Variants in ADGRL3 observed in about 807,000 individuals in gnomAD.
The protein encoded by ADGRL3 is adhesion G protein-coupled receptor L3, also known as calcium-independent alpha-latrotoxin receptor 3.
In ADGRL3, 62 loss-of-function variants were observed where a neutral mutation model predicts 153.5. That is an observed-to-expected ratio of 0.40 (90% CI 0.33 to 0.50). The LOEUF is 0.50. Among genes scored for constraint, ADGRL3 ranks in the 20% least tolerant of loss-of-function variants. ADGRL3 has a pLI of 0.47. For missense variants in ADGRL3, 1,641 were observed against 1,859.4 expected, an observed-to-expected ratio of 0.88 and a Z score of 2.16; for synonymous variants, 710 against 672.5, an observed-to-expected ratio of 1.06 and a Z score of -0.86.
intron 5 of ADGRL3, among the ~76,000 whole-genome samples, chr4:61,597,240 G>A (rs1289730113): frequency 6.6e-6 from 1 of 151,848 alleles, no homozygotes; most frequent in Non-Finnish European, 1.5e-5. Context: ...TAAGTCTACA[G>A]GAATGCTGTA....
rs80241057 is a variant in ADGRL3, at chr4:61,809,880, G to C, written c.1400-3929G>C. On this transcript the variant is annotated intron_variant, in intron 8 of 26. Transcript: ENST00000683033. ...AAAAACTGTTTTAATTACTACCTAC[G>C]TATAAATTCATCTAATCTTCAGAAT... 6.6e-3 allele frequency among the ~76,000 whole-genome samples: 1,008 copies of C among 152,058 alleles called. 10 individuals are homozygous for C. Among genetic ancestry groups the C allele is most frequent in the African/African-American group, 0.023 (965 of 41,494 alleles).
chr4:61,387,472 C>T (rs2096751477), intron 2 of ADGRL3, among the ~76,000 whole-genome samples: 1 of 152,064 alleles, frequency 6.6e-6, no homozygotes, highest in South Asian at 2.1e-4. Context: ...TTTATTTCAT[C>T]TCTGCAGCCT....
intron 9 of ADGRL3, among the ~76,000 whole-genome samples, chr4:61,868,614 C>A (rs2098417134): frequency 6.6e-6 from 1 of 152,142 alleles, no homozygotes. Context: ...ATAATAACAA[C>A]CTCTAAACTT....
intron 3 of ADGRL3, among the ~76,000 whole-genome samples, chr4:61,504,781 A>T (rs948832448): frequency 1.3e-5 from 2 of 152,148 alleles, no homozygotes; most frequent in African/African-American, 4.8e-5. Context: ...TGTTTGGCTT[A>T]AGAATTTCAT....
intron 1 of ADGRL3, among the ~76,000 whole-genome samples, chr4:61,230,008 G>C (rs1222881612): frequency 6.6e-6 from 1 of 152,020 alleles, no homozygotes; most frequent in East Asian, 1.9e-4. Context: ...ATTTTTAAGT[G>C]TTTGTAACCA....
intron 9 of ADGRL3, among the ~76,000 whole-genome samples, chr4:61,834,174 A>C (rs1205576162): frequency 7.5e-6 from 1 of 134,118 alleles, no homozygotes; most frequent in East Asian, 2.3e-4. Flanking sequence ...ATGTGTTCTC[A>C]TTGTTCAATT....
At chr4:61,539,625 C>A (rs1184186610) in intron 4 of ADGRL3, among the ~76,000 whole-genome samples, 1 of 152,102 alleles carries the variant, frequency 6.6e-6, no homozygotes, top group South Asian at 2.1e-4. Context: ...TGGTGTGCAT[C>A]GTCTCAGTTC....
chr4:61,990,442 CAG>C (rs1182581245), intron 19 of ADGRL3, among the ~76,000 whole-genome samples: 2 of 151,678 alleles, frequency 1.3e-5, no homozygotes, highest in Non-Finnish European at 2.9e-5. Context: ...TTGGTGGGTA[CAG>C]AGTTTCATTT....
intron 6 of ADGRL3, among the ~76,000 whole-genome samples, chr4:61,721,199 G>A (rs1167886851): frequency 1.3e-5 from 2 of 152,146 alleles, no homozygotes; most frequent in African/African-American, 4.8e-5. Flanking sequence ...GTTTATTAAG[G>A]AGTATTGACA....
At chr4:61,897,696 G>A (rs939088247) in intron 11 of ADGRL3, among the ~76,000 whole-genome samples, 3 of 152,086 alleles carry the variant, frequency 2.0e-5, no homozygotes, top group Admixed American at 6.5e-5. Flanking sequence ...GTGTTCACAG[G>A]ATTGTTTGTC....
chr4:61,259,422 CAAAA>C lies in ADGRL3; in HGVS notation c.-240+57658_-240+57661del, dbSNP rs1253424495. 2.7e-4 allele frequency among the ~76,000 whole-genome samples: 29 copies of C among 109,400 alleles called. No individual in the cohort carries two copies. The South Asian group carries it at 5.2e-3, about 20-fold the overall frequency. 71.8% of individuals were successfully genotyped at this position (109,400 alleles called of 152,430 possible). A position where few individuals can be genotyped will look rare whatever the true frequency, so the allele number is the denominator to read the frequency against. On this transcript the variant is annotated intron_variant, in intron 1 of 26. Coordinates refer to ENST00000683033, the MANE Select transcript of ADGRL3 (RefSeq NM_001387552.1). The stretch of plus-strand genomic sequence containing the variant: ...TGGGCGACAGAGTGAGACTCTGTCT[CAAAA>C]TAAATAAATAAATAAATAAATAAAT...
chr4:61,892,808 C>T lies in ADGRL3; in HGVS notation c.1633C>T (p.Leu545Phe). The stretch of plus-strand genomic sequence containing the variant: ...TACCCCATCTCCAGCTGTCGAGGTA[C>T]TTGATGACATGACCACACACCTTCC... The part of the protein sequence containing the change: ...TSTPSPAVEV[L>F]DDMTTHLPSA... Residue 545 changes from leucine (L) to phenylalanine (F), a missense_variant, in exon 10 of 27, where the codon CTT becomes TTT. Leu to Phe is a conservative substitution (Grantham distance 22). Transcript: ENST00000683033. The T allele has an allele frequency of 6.2e-7, 1 of 1,613,872 alleles. No homozygotes were observed. The highest frequency in any genetic ancestry group is 8.5e-7 in the Non-Finnish European group (1 of 1,179,840).
intron 1 of ADGRL3, among the ~76,000 whole-genome samples, chr4:61,354,140 C>A (rs1281480906): frequency 6.6e-6 from 1 of 152,144 alleles, no homozygotes; most frequent in Non-Finnish European, 1.5e-5. Context: ...CTTCACAACA[C>A]CCCTATTAAA....
intron 1 of ADGRL3, among the ~76,000 whole-genome samples, chr4:61,362,309 G>A (rs866239928): frequency 2.0e-5 from 3 of 150,154 alleles, no homozygotes; most frequent in Admixed American, 6.7e-5. Flanking sequence ...TGCCTGATAC[G>A]ATCGAATATT....
intron 8 of ADGRL3, among the ~76,000 whole-genome samples, chr4:61,749,240 G>A (rs1210334882): frequency 6.6e-6 from 1 of 151,782 alleles, no homozygotes; most frequent in African/African-American, 2.4e-5. Flanking sequence ...GGAGAAATAG[G>A]AACACTTTTA....
chr4:61,464,841 T>G (rs1431430940), intron 2 of ADGRL3, among the ~76,000 whole-genome samples: 2 of 152,180 alleles, frequency 1.3e-5, no homozygotes, highest in South Asian at 4.1e-4. Flanking sequence ...TACTGCCTCT[T>G]CTCAGTCAAT....
At chr4:61,470,431 G>A (rs1431539656) in intron 2 of ADGRL3, among the ~76,000 whole-genome samples, 1 of 151,780 alleles carries the variant, frequency 6.6e-6, no homozygotes, top group African/African-American at 2.4e-5. Flanking sequence ...TTTGTTGTTA[G>A]TAATACTGAG....
chr4:61,802,286 T>TC (rs1174804592), intron 8 of ADGRL3, among the ~76,000 whole-genome samples: 1 of 152,050 alleles, frequency 6.6e-6, no homozygotes, highest in Non-Finnish European at 1.5e-5. Context: ...AGTGAGAAAA[T>TC]CCAACTCAAA....
chr4:61,411,344 G>C (rs1014306238), intron 2 of ADGRL3, among the ~76,000 whole-genome samples: 1 of 152,068 alleles, frequency 6.6e-6, no homozygotes, highest in Non-Finnish European at 1.5e-5. Flanking sequence ...GAGCTTTTCA[G>C]ATGTTTTCTT....
Sources: allele counts gnomAD v4.1 joint callset (sites outside exome capture counted in the v4.1 genomes callset), GRCh38; gene constraint gnomAD v4.1.1; transcripts MANE v1.5; gene names NCBI Gene and HGNC (gene_info 2026-07-23, HGNC 2026-07-21).